The following DIAPH2 variants were observed in gnomAD, a reference collection of about 807,000 sequenced individuals.
DIAPH2 encodes protein diaphanous homolog 2.
In DIAPH2, 35 loss-of-function variants were observed where a neutral mutation model predicts 92.7. The observed-to-expected ratio is 0.38, with a 90% CI of 0.29 to 0.50. The LOEUF is 0.50. Ranked by LOEUF, DIAPH2 falls within the 20% of genes least tolerant of loss-of-function variation. The pLI is 0.94. For missense variants in DIAPH2, 701 were observed against 819.5 expected, an observed-to-expected ratio of 0.86 and a Z score of 1.77; for synonymous variants, 301 against 280.4, an observed-to-expected ratio of 1.07 and a Z score of -0.73.
intron 25 of DIAPH2, among the ~76,000 whole-genome samples, chrX:97,392,715 A>T (rs1393979292): frequency 5.4e-5 from 6 of 111,699 alleles, no homozygotes; most frequent in African/African-American, 1.6e-4. Context: ...CAAAACGATT[A>T]AGAGAATGGG....
intron 5 of DIAPH2, among the ~76,000 whole-genome samples, chrX:96,883,386 G>GTTTTTTT (rs748718266): frequency 9.9e-6 from 1 of 101,266 alleles, no homozygotes. Flanking sequence ...TTTGTTTTTT[G>GTTTTTTT]TTTTTTTTTT....
intron 21 of DIAPH2, among the ~76,000 whole-genome samples, chrX:97,129,102 T>TTTTCTTTTCTTTTCTTTTCTTTTC (rs2067113773): frequency 9.5e-5 from 6 of 63,117 alleles, no homozygotes; most frequent in East Asian, 4.3e-4. Flanking sequence ...TTTTCTTTTC[T>TTTTCTTTTCTTTTCTTTTCTTTTC]TTTCTTTTCT....
intron 23 of DIAPH2, among the ~76,000 whole-genome samples, chrX:97,298,861 G>T (rs768565897): frequency 9.1e-6 from 1 of 110,210 alleles, no homozygotes; most frequent in Non-Finnish European, 1.9e-5. Flanking sequence ...CTCGTGATCC[G>T]CCCGCCTCCG....
At chrX:97,197,340 A>G (rs1228988842) in intron 22 of DIAPH2, among the ~76,000 whole-genome samples, 3 of 112,166 alleles carry the variant, frequency 2.7e-5, no homozygotes, top group African/African-American at 6.5e-5. Flanking sequence ...GTACATAAGT[A>G]TATACACATA....
intron 26 of DIAPH2, among the ~76,000 whole-genome samples, chrX:97,482,903 A>G (rs2070661230): frequency 9.0e-6 from 1 of 111,567 alleles, no homozygotes; most frequent in African/African-American, 3.3e-5. Context: ...AGTTTTTAAG[A>G]GCAGAAAAAC....
intron 17 of DIAPH2, among the ~76,000 whole-genome samples, chrX:97,061,391 C>T (rs1211968640): frequency 8.9e-6 from 1 of 112,151 alleles, no homozygotes; most frequent in East Asian, 2.8e-4. Context: ...CTTTTGAAGA[C>T]TCCAGTTTTT....
intron 26 of DIAPH2, among the ~76,000 whole-genome samples, chrX:97,435,918 T>C (rs1476479693): frequency 1.8e-5 from 2 of 108,618 alleles, no homozygotes; most frequent in Non-Finnish European, 1.9e-5. Flanking sequence ...TGCCATTCTC[T>C]TGCCTCAGCC....
intron 26 of DIAPH2, among the ~76,000 whole-genome samples, chrX:97,594,420 A>G (rs992193567): frequency 4.4e-5 from 5 of 112,853 alleles, no homozygotes; most frequent in Middle Eastern, 4.6e-3. Flanking sequence ...CAAGGGGGAA[A>G]AAATGTAAGT....
At chrX:97,266,794 T>C (rs2068340684) in intron 23 of DIAPH2, among the ~76,000 whole-genome samples, 2 of 112,243 alleles carry the variant, frequency 1.8e-5, no homozygotes, top group Non-Finnish European at 3.8e-5. Context: ...GACTAACACA[T>C]GCTTTTAATT....
chrX:97,454,749 G>C (rs1345735943), intron 26 of DIAPH2, among the ~76,000 whole-genome samples: 3 of 110,199 alleles, frequency 2.7e-5, no homozygotes, highest in African/African-American at 9.9e-5. Flanking sequence ...CAGGTACTCG[G>C]GAGGCTGAGG....
At chrX:97,093,863 G>A (rs1382440846) in intron 19 of DIAPH2, among the ~76,000 whole-genome samples, 1 of 111,704 alleles carries the variant, frequency 9.0e-6, no homozygotes, top group Admixed American at 9.5e-5. Flanking sequence ...CCCTTGAATA[G>A]TTTAATTGAA....
At chrX:97,154,061 G>C (rs1190955862) in intron 22 of DIAPH2, among the ~76,000 whole-genome samples, 1 of 111,866 alleles carries the variant, frequency 8.9e-6, no homozygotes, top group East Asian at 2.8e-4. Context: ...GCATTTTAAA[G>C]GAGTAGATTC....
intron 10 of DIAPH2, among the ~76,000 whole-genome samples, chrX:96,935,496 T>G (rs928892158): frequency 2.7e-5 from 3 of 110,810 alleles, no homozygotes; most frequent in Non-Finnish European, 5.7e-5. Flanking sequence ...GAAAAGAAAA[T>G]TGGTTTTGCT....
At chrX:97,440,195 G>A (rs2070239058) in intron 26 of DIAPH2, among the ~76,000 whole-genome samples, 1 of 111,794 alleles carries the variant, frequency 8.9e-6, no homozygotes, top group South Asian at 3.7e-4. Flanking sequence ...TAGGATTGGA[G>A]CACAGATGAT....
intron 26 of DIAPH2, among the ~76,000 whole-genome samples, chrX:97,566,217 T>C (rs751711705): frequency 1.8e-5 from 2 of 112,116 alleles, no homozygotes; most frequent in South Asian, 7.4e-4. Flanking sequence ...CATCTTCCTC[T>C]TTTTTTCTGC....
At chrX:97,433,160 G>A (rs751271185) in intron 26 of DIAPH2, among the ~76,000 whole-genome samples, 7 of 110,496 alleles carry the variant, frequency 6.3e-5, no homozygotes, top group Non-Finnish European at 1.3e-4. Flanking sequence ...GTACCAAAAG[G>A]CATTTCAAGG....
intron 22 of DIAPH2, among the ~76,000 whole-genome samples, chrX:97,239,406 G>A (rs1252704860): frequency 2.7e-5 from 3 of 111,820 alleles, no homozygotes; most frequent in African/African-American, 9.7e-5. Flanking sequence ...AATAAGATAT[G>A]TGAGGAAAGT....
intron 7 of DIAPH2, among the ~76,000 whole-genome samples, chrX:96,915,154 T>C (rs1027362701): frequency 9.0e-6 from 1 of 111,259 alleles, no homozygotes; most frequent in Non-Finnish European, 1.9e-5. Context: ...TGTCTTCTTT[T>C]TTATTTTTGA....
intron 26 of DIAPH2, among the ~76,000 whole-genome samples, chrX:97,555,997 A>T (rs995556028): frequency 4.5e-5 from 5 of 112,014 alleles, no homozygotes; most frequent in African/African-American, 1.6e-4. Context: ...TTAGGGCACA[A>T]CACTTCAGCC....
Sources: allele counts gnomAD v4.1 joint callset (sites outside exome capture counted in the v4.1 genomes callset), GRCh38; gene constraint gnomAD v4.1.1; transcripts MANE v1.5; gene names NCBI Gene and HGNC (gene_info 2026-07-23, HGNC 2026-07-21).